The following SLC66A2 variants were observed in gnomAD, a reference collection of about 807,000 sequenced individuals.
SLC66A2 encodes the protein PQ loop repeat containing 1.
Under a neutral mutation model 25.5 loss-of-function variants are expected in SLC66A2, and 23 were observed. That is an observed-to-expected ratio of 0.90 (90% CI 0.65 to 1.28). The LOEUF (loss-of-function observed/expected upper bound fraction) is 1.28. Among genes scored for constraint, SLC66A2 ranks in the 50% most tolerant of loss-of-function variants. The pLI is 0.00. For missense variants in SLC66A2, 396 were observed against 373.1 expected (o/e 1.06, Z -0.51); for synonymous variants, 193 against 166.5 (o/e 1.16, Z -1.23).
chr18:79,908,474 ATTTGAC>A (rs1982459642), intron 5 of SLC66A2, among the ~76,000 whole-genome samples: 1 of 151,984 alleles, frequency 6.6e-6, no homozygotes, highest in Admixed American at 6.5e-5. Context: ...GACATTTTTT[ATTTGAC>A]TTTGATTCTT....
rs1194222841 is a variant in SLC66A2, at chr18:79,937,478, T to C, written c.338-3456A>G. Among the ~76,000 whole-genome samples the C allele has an allele frequency of 9.9e-5, 15 of 152,172 alleles. No homozygotes were observed. Among genetic ancestry groups the C allele is most frequent in the Admixed American group, 9.8e-4 (15 of 15,288 alleles). ...ATTGCAAGATGCTAGGGAACCAACTTTGAAAACTGGTAAAGAGACCCGCAT... is the reference window on the plus strand; with the variant it reads ...ATTGCAAGATGCTAGGGAACCAACTCTGAAAACTGGTAAAGAGACCCGCAT... On this transcript the variant is annotated intron_variant, in intron 3 of 5. Coordinates refer to ENST00000397778, the MANE Select transcript of SLC66A2 (RefSeq NM_025078.5). The surrounding 1 kb of genome is among the most constrained non-coding windows in gnomAD (Gnocchi z 5.4).
intron 5 of SLC66A2, among the ~76,000 whole-genome samples, chr18:79,905,560 C>T (rs1270256712): frequency 6.6e-6 from 1 of 152,290 alleles, no homozygotes; most frequent in Non-Finnish European, 1.5e-5. Flanking sequence ...CCTGCCTTTC[C>T]TGCGCTAGCC....
chr18:79,951,534 C>T, intron 1 of SLC66A2, 47 bp downstream of exon 1: 1 of 152,474 alleles, frequency 6.6e-6, no homozygotes, highest in South Asian at 1.8e-4. Flanking sequence ...TCCTCGGCCG[C>T]CCTAGGCCGC....
At position 79,933,998 on chromosome 18, in the gene SLC66A2, ACTT is replaced by A. The variant is rs769618332; in HGVS notation, c.359_361del (p.Glu120del). ...GAAGGACCGCCTGGGGGCAACCTTG[ACTT>A]CTTCATCCTTGCTATCTGCAGCTAC... On this transcript the variant is annotated inframe_deletion, in exon 4 of 6. Transcript: ENST00000397778. 5 of 1,612,904 alleles carry A rather than the reference ACTT, an allele frequency of 3.1e-6. 1 individual carries two copies. The South Asian group carries it at 3.3e-5, about 11-fold the overall frequency.
At chr18:79,928,448 G>C (rs975558865) in intron 4 of SLC66A2, among the ~76,000 whole-genome samples, 1 of 152,212 alleles carries the variant, frequency 6.6e-6, no homozygotes, top group Non-Finnish European at 1.5e-5. Flanking sequence ...AACAGAGGCA[G>C]TAGGCTCTTC....
intron 5 of SLC66A2, among the ~76,000 whole-genome samples, chr18:79,914,924 C>T (rs1198077931): frequency 2.6e-5 from 4 of 152,272 alleles, no homozygotes; most frequent in Non-Finnish European, 5.9e-5. Flanking sequence ...GCTGCTGGGC[C>T]TCCAGAATTC....
intron 2 of SLC66A2, among the ~76,000 whole-genome samples, chr18:79,945,975 C>T (rs1220712868): frequency 6.6e-6 from 1 of 152,234 alleles, no homozygotes; most frequent in Admixed American, 6.5e-5. Context: ...CTTCACACCA[C>T]GTTCACCTCC....
At chr18:79,948,318 T>TTC (rs1255303946) in intron 2 of SLC66A2, among the ~76,000 whole-genome samples, 1 of 152,230 alleles carries the variant, frequency 6.6e-6, no homozygotes, top group Non-Finnish European at 1.5e-5. Context: ...AATCTCTGAC[T>TTC]TCTCCAAACC....
intron 5 of SLC66A2, among the ~76,000 whole-genome samples, chr18:79,909,766 A>AC (rs1982716364): frequency 3.3e-5 from 3 of 90,856 alleles, no homozygotes; most frequent in African/African-American, 4.5e-5. Flanking sequence ...AACCTTCCCC[A>AC]CATCCTCACC....
intron 5 of SLC66A2, among the ~76,000 whole-genome samples, chr18:79,906,380 A>ACTC (rs1982132409): frequency 6.6e-6 from 1 of 151,852 alleles, no homozygotes; most frequent in Admixed American, 6.6e-5. Context: ...TACACATTTA[A>ACTC]CTCTAAGCAT....
intron 2 of SLC66A2, among the ~76,000 whole-genome samples, chr18:79,950,348 G>A (rs2051075998): frequency 6.6e-6 from 1 of 152,174 alleles, no homozygotes; most frequent in African/African-American, 2.4e-5. Context: ...CACAGAGCAA[G>A]ACCCTCTCTC....
intron 2 of SLC66A2, among the ~76,000 whole-genome samples, chr18:79,946,634 C>A (rs2050934800): frequency 6.6e-6 from 1 of 152,182 alleles, no homozygotes; most frequent in African/African-American, 2.4e-5. Context: ...ACTGACCAGG[C>A]CCACAGAAAA....
chr18:79,933,268 G>A (rs62101198), intron 4 of SLC66A2, among the ~76,000 whole-genome samples: 7,514 of 152,188 alleles, frequency 0.049, 264 homozygotes, highest in Non-Finnish European at 0.076. Context: ...CAACAAACTC[G>A]AATAAAAGGG....
chr18:79,931,831 G>A (rs1986601753), intron 4 of SLC66A2, among the ~76,000 whole-genome samples: 1 of 152,008 alleles, frequency 6.6e-6, no homozygotes, highest in Non-Finnish European at 1.5e-5. Flanking sequence ...TGGTAAACAT[G>A]GTGAAAACCC....
At chr18:79,938,315 G>A (rs1397946138) in intron 3 of SLC66A2, among the ~76,000 whole-genome samples, 3 of 152,108 alleles carry the variant, frequency 2.0e-5, no homozygotes, top group Admixed American at 6.6e-5. Context: ...CCCAGCACAC[G>A]AGAGACAGGT....
chr18:79,916,287 C>T (rs956924100), intron 5 of SLC66A2, among the ~76,000 whole-genome samples: 2 of 150,662 alleles, frequency 1.3e-5, no homozygotes, highest in Non-Finnish European at 3.0e-5. Context: ...GTGGTGCTCC[C>T]GTACCCGTGG....
intron 5 of SLC66A2, among the ~76,000 whole-genome samples, chr18:79,911,725 G>A (rs948252408): frequency 7.9e-5 from 12 of 152,170 alleles, no homozygotes; most frequent in Admixed American, 7.2e-4. Flanking sequence ...TCATTTAGAG[G>A]GCAGGGGAGG....
chr18:79,941,808 A>C lies in SLC66A2; in HGVS notation c.337+1521T>G, dbSNP rs1008708035. 2 of 152,322 alleles carry C rather than the reference A, an allele frequency of 1.3e-5. No individual in the cohort carries two copies. The highest frequency in any genetic ancestry group is 4.8e-5 in the African/African-American group (2 of 41,444). 9.4% of individuals were successfully genotyped at this position (152,322 alleles called of 1,614,324 possible). A position where few individuals can be genotyped will look rare whatever the true frequency, so the allele number is the denominator to read the frequency against. ...ACTGCCCACTGCCAACAAGGTCACAAGGTCTGGCCTCATGTCCAGAGCCCG... is the reference window on the plus strand; with the variant it reads ...ACTGCCCACTGCCAACAAGGTCACACGGTCTGGCCTCATGTCCAGAGCCCG... On this transcript the variant is annotated intron_variant, in intron 3 of 5. Coordinates refer to ENST00000397778, the MANE Select transcript of SLC66A2 (RefSeq NM_025078.5). The surrounding 1 kb of genome is among the most constrained non-coding windows in gnomAD (Gnocchi z 4.1).
At position 79,927,864 on chromosome 18, in the gene SLC66A2, C is replaced by T. The variant is rs1032727521; in HGVS notation, c.391+6105G>A. On this transcript the variant is annotated intron_variant, in intron 4 of 5. Transcript: ENST00000397778. The surrounding 1 kb of genome is among the most constrained non-coding windows in gnomAD (Gnocchi z 6.2). ...GCCCAGACAGACAAGCGCTCACCGC[C>T]GCACTGCCCTAACAGCTGCTGAGAC... Among the ~76,000 whole-genome samples, 2 of 152,356 alleles carry T rather than the reference C, an allele frequency of 1.3e-5. No homozygotes were observed. The highest frequency in any genetic ancestry group is 6.5e-5 in the Admixed American group (1 of 15,304).
Sources: gnomAD v4.1 joint callset for allele counts (sites outside exome capture counted in the v4.1 genomes callset) on GRCh38, gnomAD v4.1.1 for gene constraint, Gnocchi (gnomAD v3.1) non-coding constraint, MANE v1.5 for transcripts, NCBI Gene and HGNC (gene_info 2026-07-23, HGNC 2026-07-21) for gene names.